Variants in URGCP observed in about 807,000 individuals in gnomAD.
The protein encoded by URGCP is upregulator of cell proliferation.
In URGCP, 13 loss-of-function variants were observed where a neutral mutation model predicts 24.6. That is an observed-to-expected ratio of 0.53 (90% confidence interval 0.34 to 0.84). URGCP has a LOEUF of 0.84. Ranked by LOEUF, URGCP falls within the 40% of genes least tolerant of loss-of-function variation. The pLI, the probability that URGCP is intolerant of heterozygous loss-of-function variation, is 0.01. For missense variants in URGCP, 899 were observed against 1,194.3 expected (o/e 0.75, Z 3.64); for synonymous variants, 444 against 487.2 (o/e 0.91, Z 1.17).
At chr7:43,889,229 ATTCCAGC>A (rs1266917636) in intron 1 of URGCP, 1 of 152,216 alleles carries the variant, frequency 6.6e-6, no homozygotes, top group Non-Finnish European at 1.5e-5. Context: ...CATGCCTGTA[ATTCCAGC>A]ATCTGGGAGG....
intron 5 of URGCP, chr7:43,881,053 T>G (rs2095852984): frequency 3.2e-6 from 2 of 632,100 alleles, no homozygotes; most frequent in South Asian, 3.8e-5. Flanking sequence ...AAAAGTACTA[T>G]ATGGGAAGAG....
chr7:43,878,017 T>A lies in URGCP; in HGVS notation c.1446A>T (p.Lys482Asn). The change falls in exon 6 of 6, where the codon AAA becomes AAT. Residue 482 changes from lysine to asparagine, a missense_variant. By Grantham distance (94) the Lys-to-Asn change is moderately conservative. Coordinates refer to ENST00000453200, the MANE Select transcript of URGCP (RefSeq NM_001077663.3). This position sits in a 1 kb window ranked among gnomAD's most constrained non-coding sequence, Gnocchi z 5.6. ...AKDRMERITR[K>N]IKDSDAYRRD... Reference sequence around the variant, plus strand: ...TTCTGTAGGCATCCGAGTCTTTGATTTTCCTGGTAATCCTCTCCATCCGGT... The same window carrying A: ...TTCTGTAGGCATCCGAGTCTTTGATATTCCTGGTAATCCTCTCCATCCGGT... 6.2e-7 allele frequency: 1 copy of A among 1,614,232 alleles called. No homozygotes were observed. The highest frequency in any genetic ancestry group is 1.7e-5 in the Admixed American group (1 of 60,030).
At chr7:43,916,723 C>T (rs1034027174) in intron 1 of URGCP, among the ~76,000 whole-genome samples, 5 of 134,576 alleles carry the variant, frequency 3.7e-5, no homozygotes, top group Admixed American at 3.1e-4. Context: ...CCCCCCCCCC[C>T]ACATAACATG....
intron 1 of URGCP, among the ~76,000 whole-genome samples, chr7:43,897,374 G>A (rs1438545659): frequency 6.6e-6 from 1 of 152,198 alleles, no homozygotes; most frequent in Non-Finnish European, 1.5e-5. Flanking sequence ...TTTGGAAGGA[G>A]GTGAAGGCAG....
rs2095903464 is a variant in URGCP at position 43,906,566 on chromosome 7, G to A, written c.10C>T (p.Pro4Ser). The A allele has an allele frequency of 2.4e-6, 3 of 1,242,866 alleles. No homozygotes were observed. The highest frequency in any genetic ancestry group is 7.0e-5 in the Admixed American group (2 of 28,444). 77.0% of individuals were successfully genotyped at this position (1,242,866 alleles called of 1,614,324 possible). Reference sequence around the variant, plus strand: ...GGCCTGCGAGGCGGCACTCACCCGGGCGACGCCATGAGCGCAGCGAGGTCT... The same window carrying A: ...GGCCTGCGAGGCGGCACTCACCCGGACGACGCCATGAGCGCAGCGAGGTCT... MAS[P>S]GIEVELLGKG... Residue 4 changes from proline to serine, a missense_variant, in exon 1 of 6, where the codon CCC becomes TCC. Pro to Ser is a moderately conservative substitution (Grantham distance 74, BLOSUM62 -1). Coordinates refer to ENST00000453200, the MANE Select transcript of URGCP (RefSeq NM_001077663.3).
chr7:43,913,295 G>A (rs534061851), intron 1 of URGCP, among the ~76,000 whole-genome samples: 3 of 151,972 alleles, frequency 2.0e-5, no homozygotes, highest in East Asian at 1.9e-4. Context: ...TGCAAGCTCC[G>A]CCTCCTGGGT....
At position 43,878,950 on chromosome 7, in the gene URGCP, A is replaced by G; in HGVS notation, c.513T>C (p.Phe171=). The G allele has an allele frequency of 3.7e-6, 6 of 1,614,234 alleles. No individual in the cohort carries two copies. Among genetic ancestry groups the G allele is most frequent in the Non-Finnish European group, 5.1e-6 (6 of 1,180,046 alleles). The change falls in exon 6 of 6, where the codon TTT becomes TTC. Residue 171 remains phenylalanine, a synonymous_variant. Coordinates refer to ENST00000453200, the MANE Select transcript of URGCP (RefSeq NM_001077663.3). The surrounding 1 kb of genome is among the most constrained non-coding windows in gnomAD (Gnocchi z 5.6). Reference sequence around the variant, plus strand: ...GCGTATCAGGGGTGGGCAGCTCAGAAAAGGAATAAATGTCGGCAGCAAGGT... The same window carrying G: ...GCGTATCAGGGGTGGGCAGCTCAGAGAAGGAATAAATGTCGGCAGCAAGGT... ...ADDLAADIYS[F]SELPTPDTPV...
At chr7:43,894,242 G>C (rs754503281) in intron 1 of URGCP, among the ~76,000 whole-genome samples, 8 of 152,152 alleles carry the variant, frequency 5.3e-5, no homozygotes, top group Non-Finnish European at 1.2e-4. Flanking sequence ...GACATTTACA[G>C]AACATTTTAT....
chr7:43,890,365 C>G (rs568363294), intron 1 of URGCP, among the ~76,000 whole-genome samples: 1 of 151,660 alleles, frequency 6.6e-6, no homozygotes, highest in East Asian at 1.9e-4. Flanking sequence ...CAGGCGCCCA[C>G]GACCACGCCC....
At chr7:43,898,311 G>C (rs2095882543) in intron 1 of URGCP, among the ~76,000 whole-genome samples, 1 of 152,216 alleles carries the variant, frequency 6.6e-6, no homozygotes, top group Non-Finnish European at 1.5e-5. Flanking sequence ...GTTAAAATCA[G>C]TAACTGCCTT....
chr7:43,877,344 T>C lies in URGCP; in HGVS notation c.2119A>G (p.Thr707Ala), dbSNP rs764535312. 5 of 1,612,668 alleles carry C rather than the reference T, an allele frequency of 3.1e-6. No homozygotes were observed. Among genetic ancestry groups the C allele is most frequent in the Admixed American group, 3.3e-5 (2 of 60,008 alleles). ...AGCCCAAACATGGTGTTGAGGAGTGTGGACTTGCCCGTGCCTGGCACCCCG... is the reference window on the plus strand; with the variant it reads ...AGCCCAAACATGGTGTTGAGGAGTGCGGACTTGCCCGTGCCTGGCACCCCG... ...TVGVPGTGKS[T>A]LLNTMFGLRF... Residue 707 changes from threonine to alanine, a missense_variant, in exon 6 of 6, where the codon ACA (threonine) becomes GCA (alanine). Coordinates refer to ENST00000453200, the MANE Select transcript of URGCP (RefSeq NM_001077663.3).
chr7:43,898,897 A>C (rs1403388562), intron 1 of URGCP, among the ~76,000 whole-genome samples: 2 of 146,958 alleles, frequency 1.4e-5, no homozygotes, highest in Admixed American at 6.8e-5. Context: ...AGCTCTTGGG[A>C]GGCCAAGGCA....
At chr7:43,881,431 A>AG (rs925937897) in intron 5 of URGCP, among the ~76,000 whole-genome samples, 44 of 138,244 alleles carry the variant, frequency 3.2e-4, no homozygotes, top group African/African-American at 1.0e-3. Flanking sequence ...TGGGTGGTGG[A>AG]GGGGGGGCCT....
chr7:43,881,908 T>C lies in URGCP; in HGVS notation c.162A>G (p.Gly54=). Residue 54 remains glycine (G), a splice_region_variant and synonymous_variant, in exon 4 of 6, where the codon GGA becomes GGG. Transcript: ENST00000453200. The stretch of plus-strand genomic sequence containing the variant: ...GTTGCCAAATCCTGTAGTTTCTACC[T>C]CCATAACGGAACTCGCAATCATCTC... ...MEGDDCEFRY[G]DGTNEAQDND... The C allele has an allele frequency of 1.2e-6, 2 of 1,614,030 alleles. No individual in the cohort carries two copies. The highest frequency in any genetic ancestry group is 1.3e-5 in the African/African-American group (1 of 75,050).
exon 1 of URGCP, chr7:43,926,379 A>G (rs1312816906): frequency 6.2e-6 from 3 of 480,922 alleles, no homozygotes; most frequent in South Asian, 9.6e-5. Flanking sequence ...CCGCGCCAGG[A>G]CGCTCGGCAC....
rs531237340 is a variant in URGCP, at chr7:43,886,020, T to G, written c.112+1395A>C. ...ACCAACTGGCCAATAATCCCCATGG[T>G]GCCTACCTTCCAGAATTTAAGTTCC... is the stretch of plus-strand genomic sequence containing the variant. On this transcript the variant is annotated intron_variant, in intron 3 of 5. Transcript: ENST00000453200. 4.2e-4 allele frequency among the ~76,000 whole-genome samples: 64 copies of G among 152,382 alleles called. 1 individual carries two copies. The South Asian group carries it at 0.013, about 32-fold the overall frequency.
upstream of URGCP, among the ~76,000 whole-genome samples, chr7:43,910,382 A>ATTTTT (rs1158648185): frequency 4.2e-4 from 38 of 90,102 alleles, 1 homozygote; most frequent in African/African-American, 1.6e-3. Flanking sequence ...TGTCTGGCTA[A>ATTTTT]TTTTTTTTTT....
intron 1 of URGCP, chr7:43,888,193 C>T (rs2730617): frequency 0.72 from 122,838 of 170,662 alleles, 44,367 homozygotes; most frequent in African/African-American, 0.81. Flanking sequence ...ATGATAAGTG[C>T]AGTCTAATTA....
chr7:43,892,706 A>T (rs991838283), intron 1 of URGCP, among the ~76,000 whole-genome samples: 18 of 152,332 alleles, frequency 1.2e-4, no homozygotes, highest in South Asian at 2.1e-4. Flanking sequence ...GTGGGTTAGG[A>T]CTTCAACACT....
Sources: gnomAD v4.1 joint callset for allele counts (sites outside exome capture counted in the v4.1 genomes callset) on GRCh38, gnomAD v4.1.1 for gene constraint, Gnocchi (gnomAD v3.1) non-coding constraint, MANE v1.5 for transcripts, NCBI Gene and HGNC (gene_info 2026-07-23, HGNC 2026-07-21) for gene names.